Variants in PAH observed in about 807,000 individuals in gnomAD.
PAH encodes the protein phenylalanine-4-hydroxylase.
In PAH, 64 loss-of-function variants were observed where a neutral mutation model predicts 62.0. The observed-to-expected ratio is 1.03, with a 90% CI of 0.84 to 1.27. The LOEUF (loss-of-function observed/expected upper bound fraction) is 1.27, where lower values mean the gene tolerates loss of function less well. Among genes scored for constraint, PAH ranks in the 50% most tolerant of loss-of-function variants. The pLI, the probability that PAH is intolerant of heterozygous loss-of-function variation, is 0.00. For missense variants in PAH, 579 were observed against 542.8 expected (o/e 1.07, Z -0.66); for synonymous variants, 195 against 196.2 (o/e 0.99, Z 0.05).
At chr12:102,901,238 A>G (rs1391963940) in intron 2 of PAH, among the ~76,000 whole-genome samples, 1 of 152,174 alleles carries the variant, frequency 6.6e-6, no homozygotes, top group African/African-American at 2.4e-5. Context: ...ATTCACTGAC[A>G]AGAGATAATG....
intron 8 of PAH, among the ~76,000 whole-genome samples, chr12:102,850,698 A>G (rs1875104769): frequency 6.6e-6 from 1 of 152,156 alleles, no homozygotes; most frequent in South Asian, 2.1e-4. Context: ...TCAGAACACC[A>G]TTCAACCTTC....
intron 1 of PAH, among the ~76,000 whole-genome samples, chr12:102,922,916 G>T (rs950313245): frequency 6.6e-6 from 1 of 152,172 alleles, no homozygotes; most frequent in African/African-American, 2.4e-5. Context: ...AAAAAAACCA[G>T]ATATAAATTG....
intron 3 of PAH, among the ~76,000 whole-genome samples, chr12:102,882,318 A>C (rs1876844521): frequency 6.6e-6 from 1 of 152,158 alleles, no homozygotes; most frequent in South Asian, 2.1e-4. Flanking sequence ...GCAATGGTTA[A>C]GAGTCTTAAA....
chr12:102,933,829 G>A (rs1879002418), intron 1 of PAH, among the ~76,000 whole-genome samples: 1 of 151,050 alleles, frequency 6.6e-6, no homozygotes, highest in South Asian at 2.1e-4. Context: ...TGACCTCTTT[G>A]TAATTTCAGT....
At chr12:102,910,472 G>A (rs1011453355) in intron 2 of PAH, among the ~76,000 whole-genome samples, 1 of 151,174 alleles carries the variant, frequency 6.6e-6, no homozygotes, top group Admixed American at 6.6e-5. Context: ...CAGGGTTCAC[G>A]CCATTCTCCT....
intron 10 of PAH, 113 bp from the exon 11 acceptor site, chr12:102,843,892 C>T: frequency 8.5e-7 from 1 of 1,179,180 alleles, no homozygotes; most frequent in Non-Finnish European, 1.2e-6. Context: ...ATTCCTTCTA[C>T]ATCACAGCCC....
At chr12:102,917,564 A>G, upstream of PAH, 1 of 261,492 alleles carries the variant, frequency 3.8e-6, no homozygotes, top group South Asian at 4.5e-5. Flanking sequence ...CGTCTGGTAT[A>G]ACAATTATAT....
At chr12:102,845,537 G>T (rs1874799931) in intron 9 of PAH, among the ~76,000 whole-genome samples, 1 of 152,170 alleles carries the variant, frequency 6.6e-6, no homozygotes, top group Non-Finnish European at 1.5e-5. Context: ...ATAACTGACA[G>T]TTCAATATGT....
intron 4 of PAH, among the ~76,000 whole-genome samples, chr12:102,868,867 A>G (rs1023683182): frequency 6.6e-6 from 1 of 152,170 alleles, no homozygotes; most frequent in Admixed American, 6.5e-5. Flanking sequence ...CTTATTTAAT[A>G]GTTAGTAGTG....
At chr12:102,892,294 A>G (rs901671670) in intron 3 of PAH, among the ~76,000 whole-genome samples, 34 of 152,314 alleles carry the variant, frequency 2.2e-4, no homozygotes, top group African/African-American at 7.5e-4. Context: ...ATCTCTGCCT[A>G]TTCAAATGCT....
intron 3 of PAH, among the ~76,000 whole-genome samples, chr12:102,880,642 T>G (rs1006282355): frequency 3.3e-5 from 5 of 152,144 alleles, no homozygotes; most frequent in African/African-American, 1.2e-4. Context: ...CCAAAGGAGA[T>G]TCCACAAATA....
In PAH at chr12:102,894,897, G is replaced by T. The variant is rs199475569; in HGVS notation, c.190C>A (p.His64Asn). 2 of 1,613,606 alleles carry T rather than the reference G, an allele frequency of 1.2e-6. No individual in the cohort carries two copies. Among genetic ancestry groups the T allele is most frequent in the Non-Finnish European group, 1.7e-6 (2 of 1,179,758 alleles). ...LFEENDVNLT[H>N]IESRPSRLKK... The stretch of plus-strand genomic sequence containing the variant: ...AAACGAGAAGGTCTAGATTCAATGT[G>T]GGTCAGGTTTACATCATTCTCCTAG... The change falls in exon 3 of 13, where the codon CAC becomes AAC. Residue 64 changes from histidine (H) to asparagine (N), a missense_variant. His to Asn is a moderately conservative substitution (Grantham distance 68). Transcript: ENST00000553106.
At chr12:102,939,512 T>G (rs1879219133) in intron 1 of PAH, among the ~76,000 whole-genome samples, 1 of 152,182 alleles carries the variant, frequency 6.6e-6, no homozygotes, top group Non-Finnish European at 1.5e-5. Context: ...CCTCTGGCAC[T>G]ACCACTGCCA....
chr12:102,894,939 G>A (rs1202168105), intron 2 of PAH, 21 bp from the exon 3 acceptor site: 1 of 1,596,196 alleles, frequency 6.3e-7, no homozygotes, highest in South Asian at 1.1e-5. Context: ...GAATGGGGAG[G>A]GTGAGGAGAC....
At chr12:102,935,672 AGTG>A (rs1332480567) in intron 1 of PAH, among the ~76,000 whole-genome samples, 1 of 147,776 alleles carries the variant, frequency 6.8e-6, no homozygotes, top group Non-Finnish European at 1.5e-5. Context: ...TTTCCAATTT[AGTG>A]GTGTACAGTT....
chr12:102,921,825 C>T (rs1426925269), upstream of PAH, among the ~76,000 whole-genome samples: 5 of 152,190 alleles, frequency 3.3e-5, no homozygotes, highest in South Asian at 2.1e-4. Context: ...TTTAACTTTC[C>T]GCTAGATATA....
At chr12:102,880,159 A>G (rs1437868383) in intron 3 of PAH, among the ~76,000 whole-genome samples, 2 of 152,200 alleles carry the variant, frequency 1.3e-5, no homozygotes, top group African/African-American at 4.8e-5. Context: ...TGCTCTGTTC[A>G]TTTGGTGAGG....
chr12:102,837,790 T>G lies in PAH; in HGVS notation c.*1385A>C, dbSNP rs1471209777. 1.3e-5 allele frequency: 2 copies of G among 152,220 alleles called. No homozygotes were observed. The highest frequency in any genetic ancestry group is 2.9e-5 in the Non-Finnish European group (2 of 68,036). 9.4% of individuals were successfully genotyped at this position (152,220 alleles called of 1,614,324 possible). ...TTATCCACATTGACATCATTGGCAG[T>G]GGCAGACTGACCACCACAAATCAGG... On this transcript the variant is annotated 3_prime_UTR_variant, in exon 13 of 13. Coordinates refer to ENST00000553106, the MANE Select transcript of PAH (RefSeq NM_000277.3).
chr12:102,915,299 C>T (rs1008146927), intron 1 of PAH: 1 of 152,158 alleles, frequency 6.6e-6, no homozygotes, highest in Admixed American at 6.5e-5. Flanking sequence ...ATAATTGACT[C>T]ACAGAAATTG....
Sources: allele counts gnomAD v4.1 joint callset (sites outside exome capture counted in the v4.1 genomes callset), GRCh38; gene constraint gnomAD v4.1.1; transcripts MANE v1.5; gene names NCBI Gene and HGNC (gene_info 2026-07-23, HGNC 2026-07-21).